C17orf113: variants seen among roughly 807,000 people sequenced by gnomAD.
C17orf113 encodes the protein chromosome 17 open reading frame 113, also known as uncharacterized protein C17orf113.
A neutral mutation model predicts 11.6 loss-of-function variants in C17orf113; 5 were observed. That is an observed-to-expected ratio of 0.43 (90% confidence interval 0.23 to 0.91). The LOEUF is 0.91. C17orf113 is among the 40% of genes least tolerant of loss of function. The probability of loss-of-function intolerance (pLI) is 0.26; values close to 1 mark genes in which losing one functional copy is unlikely to be tolerated. For synonymous variants in C17orf113, 327 were observed against 390.6 expected (o/e 0.84, Z 1.92); for missense variants, 714 against 841.3 (o/e 0.85, Z 1.87).
chr17:42,043,060 C>A lies in C17orf113; in HGVS notation c.317G>T (p.Gly106Val). 2.4e-6 allele frequency: 3 copies of A among 1,232,308 alleles called. No individual in the cohort carries two copies. The highest frequency in any genetic ancestry group is 3.0e-6 in the Non-Finnish European group (3 of 988,056). The allele number at this position is 1,232,308 out of a possible 1,614,324, so 76.3% of individuals were successfully genotyped here. The change falls in exon 2 of 3, where the codon GGG becomes GTG. Residue 106 changes from glycine (G) to valine (V), a missense_variant. By Grantham distance (109) the Gly-to-Val change is moderately radical (BLOSUM62 -3). Coordinates refer to ENST00000587304, the MANE Select transcript of C17orf113 (RefSeq NM_001358661.2). ...PPFEGQAEGGGACPGLATTPA... is the reference protein window; with the variant it reads ...PPFEGQAEGGVACPGLATTPA... ...GGTCGTAGCCAGGCCTGGGCAGGCC[C>A]CTCCACCTTCAGCCTGGCCCTCAAA...
Position 42,040,762 on chromosome 17 carries a change from T to G in C17orf113, c.971A>C (p.His324Pro). ...ESILDALFRL[H>P]GGPSSHLVPE... ...GACCAAGTGGGAACTAGGGCCACCA[T>G]GGAGGCGGAATAGGGCATCCAATAT... The change falls in exon 3 of 3, where the codon CAT becomes CCT. Residue 324 changes from histidine (H) to proline (P), a missense_variant. Physicochemically the swap from His to Pro is moderately conservative, Grantham distance 77. Transcript: ENST00000587304. 8.1e-7 allele frequency: 1 copy of G among 1,232,314 alleles called. No individual in the cohort carries two copies. Among genetic ancestry groups the G allele is most frequent in the Non-Finnish European group, 1.0e-6 (1 of 988,086 alleles). The allele number at this position is 1,232,314 out of a possible 1,614,324, so 76.3% of individuals were successfully genotyped here.
rs1555656979 is a variant in C17orf113 at position 42,050,192 on chromosome 17, A to ATGTTTG, written c.-188+364_-188+365insCAAACA. 1.3e-5 allele frequency among the ~76,000 whole-genome samples: 2 copies of ATGTTTG among 152,200 alleles called. No homozygotes were observed. The highest frequency in any genetic ancestry group is 4.8e-5 in the African/African-American group (2 of 41,458). Reference sequence around the variant, plus strand: ...GCAGGAACAACTTGACAAGGACCCCAAGGCATGTAAGCCTCAAACAGTATT... The same window carrying ATGTTTG: ...GCAGGAACAACTTGACAAGGACCCCATGTTTGAGGCATGTAAGCCTCAAACAGTATT... On this transcript the variant is annotated intron_variant, in intron 1 of 2. Coordinates refer to ENST00000587304, the MANE Select transcript of C17orf113 (RefSeq NM_001358661.2). This position sits in a 1 kb window ranked among gnomAD's most constrained non-coding sequence, Gnocchi z 5.6.
chr17:42,048,388 A>G (rs1409526100), intron 1 of C17orf113, among the ~76,000 whole-genome samples: 1 of 151,944 alleles, frequency 6.6e-6, no homozygotes, highest in East Asian at 1.9e-4. Flanking sequence ...AAAAAAAAAA[A>G]AAAAAAATTA....
chr17:42,046,560 A>G (rs985684299), intron 1 of C17orf113, among the ~76,000 whole-genome samples: 2 of 152,142 alleles, frequency 1.3e-5, no homozygotes, highest in Non-Finnish European at 2.9e-5. Flanking sequence ...TGATCATGCC[A>G]CTGCACTCCA....
At chr17:42,049,249 C>T (rs1555656898) in intron 1 of C17orf113, among the ~76,000 whole-genome samples, 7 of 152,302 alleles carry the variant, frequency 4.6e-5, no homozygotes, top group South Asian at 4.1e-4. Flanking sequence ...ACCATCCATT[C>T]CCAGGAAGTC....
rs962347421 is a variant in C17orf113 at position 42,043,209 on chromosome 17, C to T, written c.168G>A (p.Lys56=). The T allele has an allele frequency of 1.3e-5, 16 of 1,232,162 alleles. No homozygotes were observed. Among genetic ancestry groups the T allele is most frequent in the Middle Eastern group, 3.1e-4 (1 of 3,230 alleles). 76.3% of individuals were successfully genotyped at this position (1,232,162 alleles called of 1,614,324 possible). ...LECRQALVRN[K]HGKAENAFTV... ...TGAAGGCGTTTTCGGCTTTGCCATG[C>T]TTGTTCCGTACCAGGGCCTGGCGGC... The change falls in exon 2 of 3, where the codon AAG becomes AAA. Residue 56 remains lysine, a synonymous_variant. Coordinates refer to ENST00000587304, the MANE Select transcript of C17orf113 (RefSeq NM_001358661.2).
Position 42,039,545 on chromosome 17 carries a change from G to A in C17orf113, c.*160C>T. On this transcript the variant is annotated 3_prime_UTR_variant, in exon 3 of 3. Transcript: ENST00000587304. The stretch of plus-strand genomic sequence containing the variant: ...CCTTCCTCCACAGCCCACAGGGTGG[G>A]GGGGGTTGGTGGGAAGCTCCAGAAG... 5 of 590,240 alleles carry A rather than the reference G, an allele frequency of 8.5e-6. 1 individual carries two copies. The highest frequency in any genetic ancestry group is 5.0e-6 in the Non-Finnish European group (2 of 402,646). 36.6% of individuals were successfully genotyped at this position (590,240 alleles called of 1,614,324 possible). A position where few individuals can be genotyped will look rare whatever the true frequency, so the allele number is the denominator to read the frequency against.
At chr17:42,044,554 T>C (rs1264071062) in intron 1 of C17orf113, among the ~76,000 whole-genome samples, 20 of 150,776 alleles carry the variant, frequency 1.3e-4, no homozygotes, top group Non-Finnish European at 2.5e-4. Flanking sequence ...AGGCGGAGGT[T>C]GCAGTGAGCC....
At chr17:42,042,165 A>G (rs1555656187) in intron 2 of C17orf113, among the ~76,000 whole-genome samples, 3 of 152,242 alleles carry the variant, frequency 2.0e-5, no homozygotes, top group Middle Eastern at 3.4e-3. Context: ...TGAGGCCAGG[A>G]GCCCAAGACC....
intron 1 of C17orf113, among the ~76,000 whole-genome samples, chr17:42,047,872 C>G (rs2053200665): frequency 6.6e-6 from 1 of 151,988 alleles, no homozygotes; most frequent in African/African-American, 2.4e-5. Flanking sequence ...TCAGGCTGGT[C>G]TCGAACTCCT....
Position 42,040,419 on chromosome 17 carries a change from G to C in C17orf113, c.1314C>G (p.Ser438=). Residue 438 remains serine, a synonymous_variant, in exon 3 of 3, where the codon TCC becomes TCG. Transcript: ENST00000587304. ...CACCTGAGCCGCGCTGAGCTTGGAG[G>C]GAGGCCGCAGCCGCCATCACCAGAG... ...LQPLVMAAAA[S]LQAQRGSGGA... The C allele has an allele frequency of 8.1e-7, 1 of 1,232,078 alleles. No homozygotes were observed. The allele number at this position is 1,232,078 out of a possible 1,614,324, so 76.3% of individuals were successfully genotyped here.
intron 2 of C17orf113, among the ~76,000 whole-genome samples, chr17:42,042,558 C>G (rs2053050458): frequency 6.6e-6 from 1 of 152,034 alleles, no homozygotes; most frequent in South Asian, 2.1e-4. Context: ...GTGGGTCAAT[C>G]AAGCCTCCAG....
chr17:42,039,942 G>C lies in C17orf113; in HGVS notation c.1791C>G (p.Phe597Leu). Residue 597 changes from phenylalanine to leucine, a missense_variant, in exon 3 of 3, where the codon TTC becomes TTG. Around this residue, in one of 3 missense-constraint regions of C17orf113, gnomAD observed 194 missense variants for 197.2 expected, o/e 0.98. Coordinates refer to ENST00000587304, the MANE Select transcript of C17orf113 (RefSeq NM_001358661.2). ...CCAAAGCCAAGGCGGCTAGGGCGGC[G>C]AAGTCGGGGAAGAGCTCGTGCAGCT... ...HSELHELFPD[F>L]AALAALALAL... 1 of 1,231,176 alleles carries C rather than the reference G, an allele frequency of 8.1e-7. No individual in the cohort carries two copies. The highest frequency in any genetic ancestry group is 1.0e-6 in the Non-Finnish European group (1 of 987,564). 76.3% of individuals were successfully genotyped at this position (1,231,176 alleles called of 1,614,324 possible). A position where few individuals can be genotyped will look rare whatever the true frequency, so the allele number is the denominator to read the frequency against.
In C17orf113 at chr17:42,039,355, C is replaced by A; in HGVS notation, c.*350G>T. ...ATTTCCAAGACCTAGTCTTCCTTCC[C>A]CAAGCCAAAAACTCCCATCTTTGGG... On this transcript the variant is annotated 3_prime_UTR_variant, in exon 3 of 3. Coordinates refer to ENST00000587304, the MANE Select transcript of C17orf113 (RefSeq NM_001358661.2). 1 of 238,248 alleles carries A rather than the reference C, an allele frequency of 4.2e-6. No individual in the cohort carries two copies. 14.8% of individuals were successfully genotyped at this position (238,248 alleles called of 1,614,324 possible).
At chr17:42,048,501 T>C (rs547214029) in intron 1 of C17orf113, among the ~76,000 whole-genome samples, 1 of 152,078 alleles carries the variant, frequency 6.6e-6, no homozygotes, top group Non-Finnish European at 1.5e-5. Flanking sequence ...TGTGATCACA[T>C]CACTGTACTC....
Position 42,040,398 on chromosome 17 carries a change from T to C in C17orf113, c.1335A>G (p.Ser445=), listed in dbSNP as rs1273364085. ...AAASLQAQRG[S]GGARLQGFLQ... is the part of the protein sequence containing the mutation. ...GGAAGCCCTGGAGGCGGGCCCCACC[T>C]GAGCCGCGCTGAGCTTGGAGGGAGG... The change falls in exon 3 of 3, where the codon TCA becomes TCG. Residue 445 remains serine, a synonymous_variant. Transcript: ENST00000587304. 3.2e-6 allele frequency: 4 copies of C among 1,231,806 alleles called. No individual in the cohort carries two copies. The highest frequency in any genetic ancestry group is 4.0e-6 in the Non-Finnish European group (4 of 987,912). 76.3% of individuals were successfully genotyped at this position (1,231,806 alleles called of 1,614,324 possible). A position where few individuals can be genotyped will look rare whatever the true frequency, so the allele number is the denominator to read the frequency against.
chr17:42,039,775 T>C lies in C17orf113; in HGVS notation c.1958A>G (p.Asp653Gly). The C allele has an allele frequency of 8.1e-7, 1 of 1,232,262 alleles. No homozygotes were observed. Among genetic ancestry groups the C allele is most frequent in the Non-Finnish European group, 1.0e-6 (1 of 988,062 alleles). 76.3% of individuals were successfully genotyped at this position (1,232,262 alleles called of 1,614,324 possible). The change falls in exon 3 of 3, where the codon GAC becomes GGC. Residue 653 changes from aspartate to glycine, a missense_variant. Around this residue, in one of 3 missense-constraint regions of C17orf113, gnomAD observed 194 missense variants for 197.2 expected, o/e 0.98. Coordinates refer to ENST00000587304, the MANE Select transcript of C17orf113 (RefSeq NM_001358661.2). ...TAAGAACTCCACAGCCAACCCGAAG[T>C]CAAACTCGTGCAGCGGGGGCCCATC... Reference protein sequence around the residue: ...AVDGPPLHEFDFGLAVEFLES... With the variant: ...AVDGPPLHEFGFGLAVEFLES...
At chr17:42,047,066 C>T (rs1230995358) in intron 1 of C17orf113, among the ~76,000 whole-genome samples, 15 of 132,864 alleles carry the variant, frequency 1.1e-4, no homozygotes, top group African/African-American at 3.5e-4. Flanking sequence ...CAATTTCACT[C>T]TGTCACCCAG....
Position 42,044,627 on chromosome 17 carries a change from A to G in C17orf113, c.-187-1064T>C, listed in dbSNP as rs549001585. ...GCAAAACTCTGTCTCAAAAAAAAAA[A>G]AAAGAAAGAAAAGAAATCAGCAGAA... On this transcript the variant is annotated intron_variant, in intron 1 of 2. Coordinates refer to ENST00000587304, the MANE Select transcript of C17orf113 (RefSeq NM_001358661.2). Among the ~76,000 whole-genome samples, 436 of 152,142 alleles carry G rather than the reference A, an allele frequency of 2.9e-3. 1 individual carries two copies. Among genetic ancestry groups the G allele is most frequent in the Non-Finnish European group, 5.5e-3 (375 of 67,966 alleles).
Sources: gnomAD v4.1 joint callset for allele counts (sites outside exome capture counted in the v4.1 genomes callset) on GRCh38, gnomAD v4.1.1 for gene constraint, gnomAD v4.1.1 regional missense constraint, Gnocchi (gnomAD v3.1) non-coding constraint, MANE v1.5 for transcripts, NCBI Gene and HGNC (gene_info 2026-07-23, HGNC 2026-07-21) for gene names.